ANKS1B: variants seen among roughly 807,000 people sequenced by gnomAD.
The protein encoded by ANKS1B is ankyrin repeat and sterile alpha motif domain-containing protein 1B.
Under a neutral mutation model 148.3 loss-of-function variants are expected in ANKS1B, and 36 were observed. The ratio of observed to expected loss-of-function variants is 0.24; its 90% CI spans 0.19 to 0.32. ANKS1B has a LOEUF of 0.32. Among genes scored for constraint, ANKS1B ranks in the 10% least tolerant of loss-of-function variants. The probability of loss-of-function intolerance (pLI) is 1.00; values close to 1 mark genes in which losing one functional copy is unlikely to be tolerated. For missense variants in ANKS1B, 1,157 were observed against 1,542.6 expected (o/e 0.75, Z 4.19); for synonymous variants, 542 against 560.8 (o/e 0.97, Z 0.47).
At chr12:99,788,319 G>A (rs1171593727) in intron 4 of ANKS1B, among the ~76,000 whole-genome samples, 1 of 152,178 alleles carries the variant, frequency 6.6e-6, no homozygotes, top group African/African-American at 2.4e-5. Context: ...AGGGCACTGG[G>A]CAGAGTTGTG....
chr12:98,960,409 G>C (rs546771526), intron 17 of ANKS1B, among the ~76,000 whole-genome samples: 1 of 152,148 alleles, frequency 6.6e-6, no homozygotes, highest in Non-Finnish European at 1.5e-5. Context: ...CTAAGAGACC[G>C]CAAGAGTCAC....
intron 12 of ANKS1B, among the ~76,000 whole-genome samples, chr12:99,358,403 T>C (rs920094905): frequency 1.3e-5 from 2 of 152,130 alleles, no homozygotes; most frequent in Non-Finnish European, 2.9e-5. Flanking sequence ...CATAACATGT[T>C]GATGCTTCCC....
At chr12:99,350,790 A>G (rs1456121017) in intron 12 of ANKS1B, among the ~76,000 whole-genome samples, 2 of 152,110 alleles carry the variant, frequency 1.3e-5, no homozygotes, top group Admixed American at 1.3e-4. Flanking sequence ...TAGTGTAGGA[A>G]AAACCATACT....
intron 9 of ANKS1B, among the ~76,000 whole-genome samples, chr12:98,738,905 GCTGTCAATTAA>G (rs2097785566): frequency 6.6e-6 from 1 of 152,144 alleles, no homozygotes. Flanking sequence ...TGCCCTACTT[GCTGTCAATTAA>G]CCTCTGGAGA....
At chr12:99,237,193 C>G (rs1269061298) in intron 14 of ANKS1B, among the ~76,000 whole-genome samples, 1 of 152,092 alleles carries the variant, frequency 6.6e-6, no homozygotes, top group Non-Finnish European at 1.5e-5. Context: ...AATGAATCAC[C>G]AGCCTTTTTT....
intron 9 of ANKS1B, chr12:99,648,635 C>G: frequency 3.1e-6 from 5 of 1,614,220 alleles, no homozygotes; most frequent in Non-Finnish European, 4.2e-6. Context: ...CAGCTGTGTC[C>G]TCCATCGGAT....
intron 9 of ANKS1B, among the ~76,000 whole-genome samples, chr12:99,512,546 AT>A (rs1448564023): frequency 6.6e-6 from 1 of 152,158 alleles, no homozygotes; most frequent in African/African-American, 2.4e-5. Flanking sequence ...CAATCCCATT[AT>A]TGGGTATATA....
chr12:99,806,014 T>C (rs1336387743), intron 4 of ANKS1B, among the ~76,000 whole-genome samples: 2 of 152,246 alleles, frequency 1.3e-5, no homozygotes, highest in African/African-American at 4.8e-5. Flanking sequence ...TCTAAATGTG[T>C]CAACATGCTA....
At chr12:98,945,003 C>T (rs1318521469) in intron 17 of ANKS1B, among the ~76,000 whole-genome samples, 1 of 152,190 alleles carries the variant, frequency 6.6e-6, no homozygotes, top group East Asian at 1.9e-4. Flanking sequence ...TTAGACAAGG[C>T]TCTCCTATCC....
At chr12:99,449,892 CATCTATCTATCTATCTATCTATCT>C (rs55765630) in intron 10 of ANKS1B, among the ~76,000 whole-genome samples, 43 of 147,968 alleles carry the variant, frequency 2.9e-4, no homozygotes, top group East Asian at 1.0e-3. Flanking sequence ...AGGATCTATC[CATCTATCTATCTATCTATCTATCT>C]ATCTATCTAT....
chr12:99,972,695 G>A (rs1465351598), intron 1 of ANKS1B, among the ~76,000 whole-genome samples: 2 of 152,196 alleles, frequency 1.3e-5, no homozygotes, highest in African/African-American at 4.8e-5. Context: ...TTATCCAGAA[G>A]ATCTAGCTAA....
intron 8 of ANKS1B, among the ~76,000 whole-genome samples, chr12:99,729,185 ATCTT>A (rs1415803691): frequency 6.6e-6 from 1 of 152,208 alleles, no homozygotes; most frequent in East Asian, 1.9e-4. Flanking sequence ...GTTTTTATTC[ATCTT>A]TCTATTTGAA....
chr12:99,823,509 T>C (rs1228588503), intron 2 of ANKS1B, among the ~76,000 whole-genome samples: 3 of 152,244 alleles, frequency 2.0e-5, no homozygotes, highest in East Asian at 3.9e-4. Context: ...TTTTGCCACA[T>C]TGGTCAGGCT....
At chr12:99,200,632 A>C (rs1380276111) in intron 14 of ANKS1B, among the ~76,000 whole-genome samples, 1 of 152,076 alleles carries the variant, frequency 6.6e-6, no homozygotes, top group Non-Finnish European at 1.5e-5. Flanking sequence ...TGACCTCTTC[A>C]GGGGTGGTTT....
intron 18 of ANKS1B, chr12:98,830,941 T>TTTTTTTTTTTG (rs2099308024): frequency 3.6e-5 from 1 of 28,160 alleles, no homozygotes; most frequent in African/African-American, 2.0e-4. Context: ...TACCTCATAA[T>TTTTTTTTTTTG]TTTTTTTTTT....
intron 25 of ANKS1B, among the ~76,000 whole-genome samples, chr12:98,765,133 C>T (rs187334664): frequency 1.1e-4 from 16 of 152,288 alleles, no homozygotes; most frequent in Non-Finnish European, 4.4e-5. Context: ...TCTGTGTCCT[C>T]GGCAGCTAAG....
At chr12:99,627,552 C>G (rs1459604798) in intron 9 of ANKS1B, among the ~76,000 whole-genome samples, 1 of 152,160 alleles carries the variant, frequency 6.6e-6, no homozygotes, top group Non-Finnish European at 1.5e-5. Context: ...AAACAACTCA[C>G]ATTTGCCAAA....
intron 1 of ANKS1B, among the ~76,000 whole-genome samples, chr12:99,900,653 A>G (rs374599850): frequency 6.6e-6 from 1 of 152,116 alleles, no homozygotes; most frequent in East Asian, 1.9e-4. Flanking sequence ...GGAAGATTAC[A>G]TTATCCCCAC....
intron 15 of ANKS1B, among the ~76,000 whole-genome samples, chr12:99,134,604 TTCTC>T (rs2067249287): frequency 7.3e-6 from 1 of 136,950 alleles, no homozygotes; most frequent in Non-Finnish European, 1.6e-5. Context: ...CTCTCTCTGT[TTCTC>T]TCTGTCTCTA....
Sources: gnomAD v4.1 joint callset for allele counts (sites outside exome capture counted in the v4.1 genomes callset) on GRCh38, gnomAD v4.1.1 for gene constraint, MANE v1.5 for transcripts, NCBI Gene and HGNC (gene_info 2026-07-23, HGNC 2026-07-21) for gene names.